Variants in SIPA1L3 observed in about 807,000 individuals in gnomAD.
The protein encoded by SIPA1L3 is signal-induced proliferation-associated 1-like protein 3.
In SIPA1L3, 59 loss-of-function variants were observed where a neutral mutation model predicts 150.1. The ratio of observed to expected loss-of-function variants is 0.39; its 90% confidence interval spans 0.32 to 0.49. SIPA1L3 has a LOEUF of 0.49. Among genes scored for constraint, SIPA1L3 ranks in the 20% least tolerant of loss-of-function variants. The pLI, the probability that SIPA1L3 is intolerant of heterozygous loss-of-function variation, is 0.86. For missense variants in SIPA1L3, 2,211 were observed against 2,489.5 expected (o/e 0.89, Z 2.38); for synonymous variants, 1,070 against 1,077.6 (o/e 0.99, Z 0.14).
intron 8 of SIPA1L3, among the ~76,000 whole-genome samples, chr19:38,111,224 GTC>G (rs1970733130): frequency 6.6e-6 from 1 of 151,836 alleles, no homozygotes; most frequent in African/African-American, 2.4e-5. Context: ...TAGAGATGGG[GTC>G]TCTCTGTTTT....
chr19:38,034,944 C>A (rs1179923849), intron 2 of SIPA1L3, among the ~76,000 whole-genome samples: 1 of 152,196 alleles, frequency 6.6e-6, no homozygotes, highest in African/African-American at 2.4e-5. Context: ...GCAGTGGTGA[C>A]TGGACCAGCC....
chr19:37,938,624 CTTTT>C (rs759856556), intron 1 of SIPA1L3, among the ~76,000 whole-genome samples: 3 of 131,248 alleles, frequency 2.3e-5, no homozygotes, highest in Non-Finnish European at 1.6e-5. Context: ...TTTCTTTTTT[CTTTT>C]TTTTTTTTTT....
chr19:37,959,449 T>C (rs1303376306), intron 1 of SIPA1L3, among the ~76,000 whole-genome samples: 1 of 152,230 alleles, frequency 6.6e-6, no homozygotes, highest in African/African-American at 2.4e-5. Flanking sequence ...ATCCCATTTA[T>C]ATGAAATGTT....
chr19:38,071,560 A>G (rs922556116), intron 2 of SIPA1L3, among the ~76,000 whole-genome samples: 1 of 152,186 alleles, frequency 6.6e-6, no homozygotes, highest in Admixed American at 6.5e-5. Flanking sequence ...AAGTGCTGGG[A>G]TTACAGGCAT....
chr19:38,051,001 G>T (rs1177542404), intron 2 of SIPA1L3, among the ~76,000 whole-genome samples: 1 of 152,180 alleles, frequency 6.6e-6, no homozygotes, highest in African/African-American at 2.4e-5. Flanking sequence ...GGAGGTTGCA[G>T]TGAGCCAAGA....
intron 2 of SIPA1L3, among the ~76,000 whole-genome samples, chr19:38,042,196 T>G (rs1248046658): frequency 1.3e-5 from 2 of 152,210 alleles, no homozygotes; most frequent in Non-Finnish European, 2.9e-5. Flanking sequence ...TACATTTAGG[T>G]CTTTTATCCT....
chr19:38,021,909 C>G (rs1968380520), intron 1 of SIPA1L3, among the ~76,000 whole-genome samples: 1 of 152,206 alleles, frequency 6.6e-6, no homozygotes, highest in Non-Finnish European at 1.5e-5. Context: ...GAATGAGAAA[C>G]CTTTGCCCTC....
chr19:38,189,951 A>G (rs1404328372), intron 16 of SIPA1L3, among the ~76,000 whole-genome samples: 1 of 152,022 alleles, frequency 6.6e-6, no homozygotes, highest in Non-Finnish European at 1.5e-5. Flanking sequence ...TGGATCTGCC[A>G]TGCGTCTCTG....
chr19:37,926,850 C>T lies in SIPA1L3; in HGVS notation c.-379+19492C>T, dbSNP rs140334665. Among the ~76,000 whole-genome samples, 1,205 of 152,270 alleles carry T rather than the reference C, an allele frequency of 7.9e-3. 19 individuals are homozygous for T. The highest frequency in any genetic ancestry group is 0.028 in the African/African-American group (1,157 of 41,556). ...AGCAGCAAGTAGGCAATGTATGTAG[C>T]GTCTGCTGCATGCAAGACACTGTGC... On this transcript the variant is annotated intron_variant, in intron 1 of 21. Transcript: ENST00000222345.
chr19:37,948,722 A>G (rs11672257), intron 1 of SIPA1L3, among the ~76,000 whole-genome samples: 22,731 of 152,124 alleles, frequency 0.15, 1,938 homozygotes, highest in Middle Eastern at 0.28. Flanking sequence ...AGGCAGGTGG[A>G]TCCTAGATAC....
intron 4 of SIPA1L3, among the ~76,000 whole-genome samples, chr19:38,095,537 C>T (rs1445151355): frequency 1.3e-5 from 2 of 152,208 alleles, no homozygotes; most frequent in South Asian, 2.1e-4. Context: ...TCACAGCTCA[C>T]TTGATTTGTT....
intron 15 of SIPA1L3, among the ~76,000 whole-genome samples, chr19:38,180,998 C>T (rs1972542845): frequency 1.3e-5 from 2 of 152,176 alleles, no homozygotes; most frequent in Non-Finnish European, 2.9e-5. Context: ...CCCTTCTCTC[C>T]TCTCCTTCCA....
At chr19:37,934,723 A>G (rs1437744361) in intron 1 of SIPA1L3, among the ~76,000 whole-genome samples, 1 of 140,800 alleles carries the variant, frequency 7.1e-6, no homozygotes, top group Non-Finnish European at 1.5e-5. Flanking sequence ...ACCCATGGTA[A>G]CAATCAAGGA....
intron 4 of SIPA1L3, among the ~76,000 whole-genome samples, chr19:38,097,372 AT>A (rs1215480875): frequency 2.6e-5 from 4 of 152,186 alleles, no homozygotes; most frequent in African/African-American, 9.7e-5. Context: ...GAATAAAAAA[AT>A]ACAAACTGCC....
At chr19:38,037,117 T>C (rs855612) in intron 2 of SIPA1L3, among the ~76,000 whole-genome samples, 133,617 of 152,222 alleles carry the variant, frequency 0.88, 58,676 homozygotes, top group East Asian at 0.93. Context: ...GGTGTCCCCC[T>C]GCCTTCCTGG....
chr19:38,028,937 G>T (rs375291107), intron 1 of SIPA1L3, among the ~76,000 whole-genome samples, 152 bp from the exon 2 acceptor site: 2 of 152,064 alleles, frequency 1.3e-5, no homozygotes, highest in Non-Finnish European at 2.9e-5. Context: ...CAAGTGATCC[G>T]CCTGCCTTGG....
At chr19:38,090,419 C>T (rs1193474450) in intron 4 of SIPA1L3, among the ~76,000 whole-genome samples, 1 of 151,798 alleles carries the variant, frequency 6.6e-6, no homozygotes, top group Non-Finnish European at 1.5e-5. Flanking sequence ...CTGAGCCAGT[C>T]GCTGTGATCA....
intron 3 of SIPA1L3, among the ~76,000 whole-genome samples, chr19:38,086,352 T>G (rs531369377): frequency 4.6e-5 from 7 of 152,046 alleles, no homozygotes; most frequent in Admixed American, 1.3e-4. Flanking sequence ...AGCCGTTTTC[T>G]TTTTAAAAAT....
rs1294049440 is a variant in SIPA1L3, at chr19:37,980,334, C to CT, written c.-378-48754dup. Among the ~76,000 whole-genome samples the CT allele has an allele frequency of 3.9e-5, 6 of 152,186 alleles. No homozygotes were observed. In the East Asian group the frequency reaches 9.6e-4, roughly 24 times the overall value. On this transcript the variant is annotated intron_variant, in intron 1 of 21. Transcript: ENST00000222345. ...AAATATGAATATATATTTTTGTCTTCTCCTTCCTTCGACAAAAGGTAGCCT... is the reference window on the plus strand; with the variant it reads ...AAATATGAATATATATTTTTGTCTTCTTCCTTCCTTCGACAAAAGGTAGCCT...
Sources: gnomAD v4.1 joint callset for allele counts (sites outside exome capture counted in the v4.1 genomes callset) on GRCh38, gnomAD v4.1.1 for gene constraint, MANE v1.5 for transcripts, NCBI Gene and HGNC (gene_info 2026-07-23, HGNC 2026-07-21) for gene names.